RBFOX3: variants seen among roughly 807,000 people sequenced by gnomAD.
RBFOX3 encodes the protein RNA binding fox-1 homolog 3.
In RBFOX3, 17 loss-of-function variants were observed where a neutral mutation model predicts 48.7. The ratio of observed to expected loss-of-function variants is 0.35; its 90% CI spans 0.24 to 0.52. The LOEUF is 0.52. RBFOX3 is among the 20% of genes least tolerant of loss of function. The pLI is 0.94. For synonymous variants in RBFOX3, 212 were observed against 209.5 expected (o/e 1.01, Z -0.10); for missense variants, 382 against 497.5 (o/e 0.77, Z 2.21).
chr17:79,118,039 T>C (rs1413242304), intron 4 of RBFOX3, among the ~76,000 whole-genome samples: 4 of 151,944 alleles, frequency 2.6e-5, no homozygotes, highest in African/African-American at 9.7e-5. Context: ...CTAGGGTGGG[T>C]GCGCATAGCT....
In RBFOX3 at chr17:79,094,543, T is replaced by C. The variant is rs534952976; in HGVS notation, c.999-14A>G. 3.1e-6 allele frequency: 1 copy of C among 327,816 alleles called. No individual in the cohort carries two copies. The highest frequency in any genetic ancestry group is 3.7e-6 in the Non-Finnish European group (1 of 267,430). 20.3% of individuals were successfully genotyped at this position (327,816 alleles called of 1,614,324 possible). A position where few individuals can be genotyped will look rare whatever the true frequency, so the allele number is the denominator to read the frequency against. On this transcript the variant is annotated splice_polypyrimidine_tract_variant and intron_variant, in intron 13 of 14. Transcript: ENST00000693108. Reference sequence around the variant, plus strand: ...ACTCTGCCGTAACTAGGGAAGAGCGTGGGAGGGGGAGTGGGAGGAGGGTGG... The same window carrying C: ...ACTCTGCCGTAACTAGGGAAGAGCGCGGGAGGGGGAGTGGGAGGAGGGTGG...
intron 5 of RBFOX3, among the ~76,000 whole-genome samples, chr17:79,113,250 T>C (rs1258004475): frequency 1.3e-5 from 2 of 152,022 alleles, no homozygotes; most frequent in Non-Finnish European, 2.9e-5. Context: ...TCCTGGAATC[T>C]AGAACACCCT....
intron 4 of RBFOX3, among the ~76,000 whole-genome samples, chr17:79,147,254 G>A (rs925245911): frequency 7.9e-5 from 12 of 152,256 alleles, no homozygotes; most frequent in Non-Finnish European, 1.8e-4. Flanking sequence ...GGAGGAGGCA[G>A]GAAATCCATT....
chr17:79,090,579 C>A lies in RBFOX3; in HGVS notation c.*304G>T, dbSNP rs2073691034. ...CCCCCACGGGTCCCACAAGGGAGGC[C>A]CCTTCCCCTCCAACTCCCCCACTGC... is the stretch of plus-strand genomic sequence containing the variant. On this transcript the variant is annotated 3_prime_UTR_variant, in exon 15 of 15. Coordinates refer to ENST00000693108, the MANE Select transcript of RBFOX3 (RefSeq NM_001350451.2). 1 of 410,442 alleles carries A rather than the reference C, an allele frequency of 2.4e-6. No homozygotes were observed. The highest frequency in any genetic ancestry group is 4.3e-6 in the Non-Finnish European group (1 of 230,220). 25.4% of individuals were successfully genotyped at this position (410,442 alleles called of 1,614,324 possible).
rs377489082 is a variant in RBFOX3, at chr17:79,204,306, G to A, written c.-34+31460C>T. ...GAGCGGACACACACCAGCGGGCGCC[G>A]GGGAGCGGGTACACACCAGCGGGTG... On this transcript the variant is annotated intron_variant, in intron 4 of 14. Coordinates refer to ENST00000693108, the MANE Select transcript of RBFOX3 (RefSeq NM_001350451.2). The surrounding 1 kb of genome is among the most constrained non-coding windows in gnomAD (Gnocchi z 4.5). 1.2e-3 allele frequency among the ~76,000 whole-genome samples: 190 copies of A among 152,230 alleles called. No homozygotes were observed. Among genetic ancestry groups the A allele is most frequent in the African/African-American group, 4.4e-3 (181 of 41,532 alleles).
the RBFOX3 span, among the ~76,000 whole-genome samples, chr17:79,664,834 C>A: frequency 1.3e-5 from 2 of 152,192 alleles, no homozygotes. Flanking sequence ...CAAGGAGGGA[C>A]CTTCTATAAG....
At chr17:79,125,757 G>A (rs1240010616) in intron 4 of RBFOX3, among the ~76,000 whole-genome samples, 1 of 152,268 alleles carries the variant, frequency 6.6e-6, no homozygotes, top group Non-Finnish European at 1.5e-5. Context: ...CGGCGGGGCA[G>A]GCTGCAGTGG....
intron 4 of RBFOX3, among the ~76,000 whole-genome samples, chr17:79,216,455 G>A (rs1186165787): frequency 6.6e-6 from 1 of 152,150 alleles, no homozygotes; most frequent in African/African-American, 2.4e-5. Flanking sequence ...GGAAGGAGGG[G>A]TGGGGCATTG....
At chr17:79,128,109 G>A (rs922927399) in intron 4 of RBFOX3, among the ~76,000 whole-genome samples, 6 of 152,238 alleles carry the variant, frequency 3.9e-5, no homozygotes, top group Admixed American at 2.0e-4. Flanking sequence ...GACTCCTGGC[G>A]GAAGCCCTCC....
intron 1 of RBFOX3, among the ~76,000 whole-genome samples, chr17:79,547,301 G>A (rs2090575772): frequency 6.6e-6 from 1 of 151,928 alleles, no homozygotes; most frequent in Non-Finnish European, 1.5e-5. Context: ...ACAAAAATTA[G>A]CCAGGCGTGG....
At chr17:79,652,642 T>C in the RBFOX3 span, among the ~76,000 whole-genome samples, 3 of 77,876 alleles carry the variant, frequency 3.9e-5, no homozygotes, top group African/African-American at 1.5e-4. Context: ...AAAAGAAAGA[T>C]TGAGAACATT....
chr17:79,319,330 G>A (rs75040408), intron 2 of RBFOX3, among the ~76,000 whole-genome samples: 2,086 of 152,340 alleles, frequency 0.014, 50 homozygotes, highest in African/African-American at 0.048. Flanking sequence ...GAGGAAGGTA[G>A]GAGATGCAGA....
intron 1 of RBFOX3, among the ~76,000 whole-genome samples, chr17:79,602,294 G>A (rs2093723220): frequency 6.6e-6 from 1 of 152,254 alleles, no homozygotes; most frequent in South Asian, 2.1e-4. Context: ...GGACGATAAA[G>A]CTCGACACAG....
At chr17:79,094,643 G>A in intron 13 of RBFOX3, 114 bp from the exon 14 acceptor site, 1 of 635,838 alleles carries the variant, frequency 1.6e-6, no homozygotes, top group Non-Finnish European at 2.5e-6. Context: ...CTGTACCGAG[G>A]TCCCATCTGC....
chr17:79,167,421 C>T (rs2048246650), intron 4 of RBFOX3, among the ~76,000 whole-genome samples: 1 of 129,018 alleles, frequency 7.8e-6, no homozygotes, highest in East Asian at 2.4e-4. Flanking sequence ...GAGCACCCTC[C>T]AAGGAGGCCC....
At chr17:79,173,539 C>T (rs1267587936) in intron 4 of RBFOX3, among the ~76,000 whole-genome samples, 1 of 152,172 alleles carries the variant, frequency 6.6e-6, no homozygotes, top group Admixed American at 6.5e-5. Context: ...CAGCTAAGAT[C>T]CCAGTTAAAT....
At chr17:79,197,382 TTCTTTC>T (rs946198543) in intron 4 of RBFOX3, among the ~76,000 whole-genome samples, 3 of 119,270 alleles carry the variant, frequency 2.5e-5, no homozygotes, top group African/African-American at 9.4e-5. Context: ...TTTTCTTTCT[TTCTTTC>T]TTTTTTTTTT....
Position 79,103,376 on chromosome 17 carries a change from G to C in RBFOX3, c.415-122C>G. ...GGGGAGTGGGGAGAGAGAGAGAAGG[G>C]GTTGAGTCAGGTGAGTTGAGGCAGA... On this transcript the variant is annotated intron_variant, in intron 7 of 14. Transcript: ENST00000693108. This position sits in a 1 kb window ranked among gnomAD's most constrained non-coding sequence, Gnocchi z 6.1. The C allele has an allele frequency of 1.4e-6, 1 of 700,636 alleles. No homozygotes were observed. Among genetic ancestry groups the C allele is most frequent in the Non-Finnish European group, 2.5e-6 (1 of 397,436 alleles). The allele number at this position is 700,636 out of a possible 1,614,324, so 43.4% of individuals were successfully genotyped here.
At chr17:79,307,540 GCA>G (rs1274720738) in intron 3 of RBFOX3, among the ~76,000 whole-genome samples, 182 bp downstream of exon 3, 1 of 152,228 alleles carries the variant, frequency 6.6e-6, no homozygotes, top group East Asian at 1.9e-4. Flanking sequence ...CAGGTGAAAA[GCA>G]CAGAGGAGTT....
Sources: allele counts gnomAD v4.1 joint callset (sites outside exome capture counted in the v4.1 genomes callset), GRCh38; gene constraint gnomAD v4.1.1; non-coding constraint Gnocchi (gnomAD v3.1); transcripts MANE v1.5; gene names NCBI Gene and HGNC (gene_info 2026-07-23, HGNC 2026-07-21).